TRIM14: variants seen among roughly 807,000 people sequenced by gnomAD.
TRIM14 encodes the protein tripartite motif-containing protein 14.
In TRIM14, 28 loss-of-function variants were observed where a neutral mutation model predicts 44.5. The ratio of observed to expected loss-of-function variants is 0.63; its 90% CI spans 0.47 to 0.86. TRIM14 has a LOEUF of 0.86. Ranked by LOEUF, TRIM14 falls within the 40% of genes least tolerant of loss-of-function variation. The pLI is 0.00. For missense variants in TRIM14, 607 were observed against 611.1 expected (o/e 0.99, Z 0.07); for synonymous variants, 299 against 269.2 (o/e 1.11, Z -1.08).
At chr9:98,040,541 A>G in the TRIM14 span, among the ~76,000 whole-genome samples, 1 of 151,738 alleles carries the variant, frequency 6.6e-6, no homozygotes, top group African/African-American at 2.4e-5. Context: ...AGTTGGGCCT[A>G]TCCTCGGTCT....
At chr9:98,117,831 A>C (rs1288517007) in intron 1 of TRIM14, among the ~76,000 whole-genome samples, 3 of 152,154 alleles carry the variant, frequency 2.0e-5, no homozygotes, top group African/African-American at 4.8e-5. Context: ...GGGATGGACA[A>C]ATGGATGGGT....
intron 3 of TRIM14, among the ~76,000 whole-genome samples, chr9:98,097,522 G>C (rs1331214931): frequency 6.6e-6 from 1 of 152,144 alleles, no homozygotes; most frequent in Non-Finnish European, 1.5e-5. Context: ...CTCCCAGCCA[G>C]AGAGTGTCAG....
At chr9:98,108,375 A>G (rs1826703543) in intron 2 of TRIM14, among the ~76,000 whole-genome samples, 1 of 152,116 alleles carries the variant, frequency 6.6e-6, no homozygotes. Flanking sequence ...AACTTTCTTA[A>G]AACATCATGA....
At chr9:98,089,024 T>C (rs558859422) in intron 5 of TRIM14, among the ~76,000 whole-genome samples, 1 of 152,342 alleles carries the variant, frequency 6.6e-6, no homozygotes, top group East Asian at 1.9e-4. Flanking sequence ...ATTGTTTCCG[T>C]GTTGCCTATT....
intron 5 of TRIM14, among the ~76,000 whole-genome samples, chr9:98,090,252 G>A (rs563329376): frequency 1.4e-3 from 206 of 152,300 alleles, no homozygotes; most frequent in African/African-American, 4.8e-3. Context: ...AGTACTAAGT[G>A]AATTTATAAC....
intron 4 of TRIM14, chr9:98,092,515 C>T (rs1168154688): frequency 6.9e-6 from 3 of 432,114 alleles, no homozygotes; most frequent in East Asian, 1.5e-4. Flanking sequence ...GAAGTGCCTT[C>T]CGCCCCCATC....
chr9:98,081,099 T>C (rs765860925), downstream of TRIM14: 4 of 1,613,382 alleles, frequency 2.5e-6, no homozygotes, highest in Non-Finnish European at 3.4e-6. Flanking sequence ...CCTGCCGGAC[T>C]CTACTCGGTT....
chr9:98,078,180 C>T, intron 6 of TRIM14: 1 of 1,614,140 alleles, frequency 6.2e-7, no homozygotes, highest in Non-Finnish European at 8.5e-7. Flanking sequence ...GGTGTTGGTG[C>T]TGGATTACTC....
At chr9:98,046,257 C>T in the TRIM14 span, among the ~76,000 whole-genome samples, 1 of 152,060 alleles carries the variant, frequency 6.6e-6, no homozygotes, top group African/African-American at 2.4e-5. Flanking sequence ...CTGACTTATA[C>T]ATGCGTAAGT....
chr9:98,047,984 G>C, the TRIM14 span, among the ~76,000 whole-genome samples: 1 of 151,312 alleles, frequency 6.6e-6, no homozygotes, highest in Non-Finnish European at 1.5e-5. Context: ...AGAATCGCTT[G>C]AACCCAGAAG....
At chr9:98,064,280 G>T (rs573144586), downstream of TRIM14, among the ~76,000 whole-genome samples, 1 of 151,888 alleles carries the variant, frequency 6.6e-6, no homozygotes, top group African/African-American at 2.4e-5. Context: ...TAAAGACGGA[G>T]TCTTGGTCTG....
At position 98,107,896 on chromosome 9, in the gene TRIM14, G is replaced by A. The variant is rs532759725; in HGVS notation, c.303+1993C>T. The stretch of plus-strand genomic sequence containing the variant: ...ATGGCCAGGCTGGTCTCGAACTCCT[G>A]ACCTCAAATGATCTGCCTGCCTCAG... On this transcript the variant is annotated intron_variant, in intron 2 of 5. Transcript: ENST00000341469. 3.2e-4 allele frequency among the ~76,000 whole-genome samples: 49 copies of A among 152,038 alleles called. 1 individual carries two copies. The South Asian group carries it at 1.0e-2, about 31-fold the overall frequency.
chr9:98,093,795 A>T (rs975680643), intron 4 of TRIM14, among the ~76,000 whole-genome samples: 1 of 151,916 alleles, frequency 6.6e-6, no homozygotes, highest in African/African-American at 2.4e-5. Context: ...ACCCAGGTTG[A>T]AGTACAGTGG....
downstream of TRIM14, among the ~76,000 whole-genome samples, chr9:98,083,447 T>TTGTC (rs1414915122): frequency 2.6e-5 from 4 of 152,244 alleles, no homozygotes; most frequent in Non-Finnish European, 4.4e-5. Flanking sequence ...TACTTCTCCA[T>TTGTC]TGTCTTTATC....
At chr9:98,107,405 T>C (rs1042264200) in intron 2 of TRIM14, among the ~76,000 whole-genome samples, 4 of 152,130 alleles carry the variant, frequency 2.6e-5, no homozygotes, top group African/African-American at 7.2e-5. Context: ...AGGTAAATGG[T>C]TTAAAAAACC....
intron 6 of TRIM14, among the ~76,000 whole-genome samples, chr9:98,071,285 T>C (rs900199831): frequency 4.6e-5 from 7 of 152,216 alleles, no homozygotes; most frequent in African/African-American, 1.7e-4. Context: ...ACACCCCAGC[T>C]CTGTGGTACA....
Position 98,085,997 on chromosome 9 carries a change from C to G in TRIM14, c.*1473G>C, listed in dbSNP as rs997435463. The G allele has an allele frequency of 1.3e-5, 2 of 152,256 alleles. No individual in the cohort carries two copies. The highest frequency in any genetic ancestry group is 6.5e-5 in the Admixed American group (1 of 15,280). 9.4% of individuals were successfully genotyped at this position (152,256 alleles called of 1,614,324 possible). ...GAGACACAAATCCCTGGAAAGAAGC[C>G]TCCCACTCCCTGCTAGCGAAGGTGG... is the stretch of plus-strand genomic sequence containing the variant. On this transcript the variant is annotated 3_prime_UTR_variant, in exon 6 of 6. Transcript: ENST00000341469.
the TRIM14 span, among the ~76,000 whole-genome samples, chr9:98,057,902 G>GTTT: frequency 1.1e-5 from 1 of 93,230 alleles, no homozygotes; most frequent in Non-Finnish European, 2.0e-5. Context: ...TTCTCTTACT[G>GTTT]TTTTTTTTTT....
chr9:98,082,002 A>G (rs1353966222), downstream of TRIM14: 1 of 152,210 alleles, frequency 6.6e-6, no homozygotes, highest in Non-Finnish European at 1.5e-5. Context: ...AGGATGCATG[A>G]TTATCACTTG....
Sources: gnomAD v4.1 joint callset for allele counts (sites outside exome capture counted in the v4.1 genomes callset) on GRCh38, gnomAD v4.1.1 for gene constraint, MANE v1.5 for transcripts, NCBI Gene and HGNC (gene_info 2026-07-23, HGNC 2026-07-21) for gene names.